RAD51B: variants seen among roughly 807,000 people sequenced by gnomAD.
RAD51B encodes the protein RAD51 paralog B, also known as DNA repair protein RAD51 homolog 2.
Under a neutral mutation model 42.2 loss-of-function variants are expected in RAD51B, and 38 were observed. The observed-to-expected ratio is 0.90, with a 90% CI of 0.70 to 1.18. The LOEUF (loss-of-function observed/expected upper bound fraction) is 1.18, where lower values mean the gene tolerates loss of function less well. Among genes scored for constraint, RAD51B ranks in the 50% most tolerant of loss-of-function variants. RAD51B has a pLI of 0.00. For missense variants in RAD51B, 373 were observed against 400.7 expected, an observed-to-expected ratio of 0.93 and a Z score of 0.59; for synonymous variants, 154 against 145.2, an observed-to-expected ratio of 1.06 and a Z score of -0.43.
chr14:67,976,901 C>T (rs868275599), intron 7 of RAD51B, among the ~76,000 whole-genome samples: 2 of 152,006 alleles, frequency 1.3e-5, no homozygotes, highest in African/African-American at 4.8e-5. Context: ...AACAAGTGGG[C>T]GAAGGATATG....
chr14:68,431,412 G>A lies in RAD51B; in HGVS notation c.957+19885G>A, dbSNP rs1039561235. On this transcript the variant is annotated intron_variant, in intron 9 of 10. Coordinates refer to ENST00000471583, the MANE Select transcript of RAD51B (RefSeq NM_133510.4). Reference sequence around the variant, plus strand: ...TTTTTTGGTTGGTAGGCTATTAATTGTTGCCTCAATTTCAGAGCCTGTTAT... The same window carrying A: ...TTTTTTGGTTGGTAGGCTATTAATTATTGCCTCAATTTCAGAGCCTGTTAT... Among the ~76,000 whole-genome samples the A allele has an allele frequency of 1.3e-4, 20 of 150,644 alleles. 1 individual carries two copies. The highest frequency in any genetic ancestry group is 5.3e-4 in the Admixed American group (8 of 15,010).
intron 7 of RAD51B, among the ~76,000 whole-genome samples, chr14:68,253,406 C>T (rs1419762688): frequency 2.0e-5 from 3 of 151,730 alleles, no homozygotes; most frequent in African/African-American, 4.8e-5. Context: ...TTCTGTTCTT[C>T]GCGTTTCTAT....
intron 10 of RAD51B, among the ~76,000 whole-genome samples, chr14:68,515,077 AT>A (rs1325816077): frequency 2.0e-5 from 3 of 152,202 alleles, no homozygotes; most frequent in Non-Finnish European, 2.9e-5. Flanking sequence ...GATATTTCTT[AT>A]GTGCTTGTTG....
chr14:68,594,574 A>G (rs1379386996), exon 11 of RAD51B: 1 of 1,305,376 alleles, frequency 7.7e-7, no homozygotes, highest in African/African-American at 1.5e-5. Context: ...AGGACTACAG[A>G]TGTGCCACCA....
At chr14:68,179,799 A>G (rs747857808) in intron 7 of RAD51B, among the ~76,000 whole-genome samples, 7 of 152,288 alleles carry the variant, frequency 4.6e-5, no homozygotes, top group African/African-American at 1.4e-4. Context: ...ATGCTAGGCT[A>G]TGACATGGGT....
intron 11 of RAD51B, among the ~76,000 whole-genome samples, chr14:68,663,636 C>T (rs1446777205): frequency 6.6e-6 from 1 of 152,184 alleles, no homozygotes; most frequent in Admixed American, 6.5e-5. Flanking sequence ...CTGTCTCCTG[C>T]CAGAACGCTG....
At chr14:68,572,215 G>A (rs1015262345) in intron 10 of RAD51B, among the ~76,000 whole-genome samples, 1 of 152,176 alleles carries the variant, frequency 6.6e-6, no homozygotes, top group Non-Finnish European at 1.5e-5. Flanking sequence ...AGATATACTA[G>A]TGGGTTCCGC....
chr14:68,673,343 TATAC>T (rs1362437343), intron 11 of RAD51B, among the ~76,000 whole-genome samples: 1 of 151,704 alleles, frequency 6.6e-6, no homozygotes, highest in Non-Finnish European at 1.5e-5. Context: ...TATGCACACA[TATAC>T]ATAAACACAC....
At chr14:68,484,700 C>T (rs1046167915) in intron 10 of RAD51B, among the ~76,000 whole-genome samples, 1 of 152,180 alleles carries the variant, frequency 6.6e-6, no homozygotes, top group Admixed American at 6.5e-5. Context: ...CAATTATCTC[C>T]GGTAAAAGGG....
At chr14:68,328,924 G>A (rs1353643922) in intron 8 of RAD51B, among the ~76,000 whole-genome samples, 1 of 152,182 alleles carries the variant, frequency 6.6e-6, no homozygotes, top group African/African-American at 2.4e-5. Context: ...GACCACTCAA[G>A]TTCAGCTACC....
Position 68,106,050 on chromosome 14 carries a change from A to G in RAD51B, c.757-185834A>G, listed in dbSNP as rs115108267. 6.9e-3 allele frequency among the ~76,000 whole-genome samples: 1,052 copies of G among 152,100 alleles called. 11 individuals carry two copies. The highest frequency in any genetic ancestry group is 0.024 in the African/African-American group (986 of 41,564). ...CTCCCTCTTAATCTTTTTAGAAGAT[A>G]AAACTGCAGGAAATGAAAAAGTGGT... is the stretch of plus-strand genomic sequence containing the variant. On this transcript the variant is annotated intron_variant, in intron 7 of 10. Coordinates refer to ENST00000471583, the MANE Select transcript of RAD51B (RefSeq NM_133510.4).
chr14:68,642,234 G>C (rs1339212220), intron 10 of RAD51B, among the ~76,000 whole-genome samples: 2 of 152,074 alleles, frequency 1.3e-5, no homozygotes, highest in Admixed American at 6.6e-5. Context: ...ATCTGGGCCT[G>C]GTGCTTTCTA....
At chr14:68,493,877 C>A (rs1040437445) in intron 10 of RAD51B, among the ~76,000 whole-genome samples, 2 of 152,172 alleles carry the variant, frequency 1.3e-5, no homozygotes, top group African/African-American at 4.8e-5. Flanking sequence ...CATCTAGAAC[C>A]AACAGTGGCC....
intron 7 of RAD51B, among the ~76,000 whole-genome samples, chr14:68,284,554 C>T (rs1358231665): frequency 2.0e-5 from 3 of 152,174 alleles, no homozygotes; most frequent in African/African-American, 2.4e-5. Flanking sequence ...TTTCTTCAAG[C>T]CAAATTGAAG....
At chr14:68,125,823 G>A (rs536074899) in intron 7 of RAD51B, among the ~76,000 whole-genome samples, 1 of 151,892 alleles carries the variant, frequency 6.6e-6, no homozygotes, top group East Asian at 1.9e-4. Flanking sequence ...CATGTAATTG[G>A]CCATGAAAAT....
intron 7 of RAD51B, among the ~76,000 whole-genome samples, chr14:67,945,495 G>T (rs1438984023): frequency 1.3e-5 from 2 of 151,920 alleles, no homozygotes; most frequent in East Asian, 3.9e-4. Flanking sequence ...TTTTTTGTTT[G>T]TTTGTTTTTT....
chr14:68,560,159 G>A lies in RAD51B; in HGVS notation c.1037-34326G>A, dbSNP rs11844809. On this transcript the variant is annotated intron_variant, in intron 10 of 10. Coordinates refer to the RAD51B transcript ENST00000487270. ...GATGTTACAGGTAGTCACAAAAATA[G>A]CACCCTTTTCCCATCAAATGGGCTG... Among the ~76,000 whole-genome samples the A allele has an allele frequency of 3.6e-3, 551 of 152,278 alleles. 7 individuals carry two copies. Among genetic ancestry groups the A allele is most frequent in the African/African-American group, 0.013 (529 of 41,544 alleles).
At chr14:68,540,168 T>G in intron 10 of RAD51B, 3 of 237,386 alleles carry the variant, frequency 1.3e-5, no homozygotes, top group African/African-American at 6.3e-5. Context: ...CCCTGCTCCT[T>G]TTTTTTTTTT....
At chr14:68,418,909 T>G (rs2084627670) in intron 9 of RAD51B, among the ~76,000 whole-genome samples, 1 of 152,198 alleles carries the variant, frequency 6.6e-6, no homozygotes, top group Admixed American at 6.5e-5. Context: ...AATCAGCACT[T>G]TCACTAGAAC....
Sources: gnomAD v4.1 joint callset for allele counts (sites outside exome capture counted in the v4.1 genomes callset) on GRCh38, gnomAD v4.1.1 for gene constraint, MANE v1.5 for transcripts, NCBI Gene and HGNC (gene_info 2026-07-23, HGNC 2026-07-21) for gene names.